PLXNA4: variants seen among roughly 807,000 people sequenced by gnomAD.
PLXNA4 encodes plexin-A4.
A neutral mutation model predicts 191.8 loss-of-function variants in PLXNA4; 44 were observed. The observed-to-expected ratio is 0.23, with a 90% CI of 0.18 to 0.29. PLXNA4 has a LOEUF of 0.29. PLXNA4 is among the 10% of genes least tolerant of loss of function. The pLI, the probability that PLXNA4 is intolerant of heterozygous loss-of-function variation, is 1.00. For synonymous variants in PLXNA4, 1,082 were observed against 1,009.5 expected (o/e 1.07, Z -1.36); for missense variants, 1,800 against 2,488.8 (o/e 0.72, Z 5.89).
At chr7:132,325,671 G>A (rs1477834605) in intron 3 of PLXNA4, among the ~76,000 whole-genome samples, 1 of 152,174 alleles carries the variant, frequency 6.6e-6, no homozygotes, top group African/African-American at 2.4e-5. Context: ...GTTCTACACA[G>A]AGCCTCAAGG....
intron 2 of PLXNA4, among the ~76,000 whole-genome samples, chr7:132,624,318 C>G (rs899884719): frequency 3.3e-5 from 5 of 152,174 alleles, no homozygotes; most frequent in African/African-American, 9.7e-5. Context: ...TAGCAATATG[C>G]AAAGCACATA....
At chr7:132,219,443 C>T (rs1301986553) in intron 9 of PLXNA4, among the ~76,000 whole-genome samples, 1 of 152,234 alleles carries the variant, frequency 6.6e-6, no homozygotes, top group Non-Finnish European at 1.5e-5. Flanking sequence ...CCTCATTTTA[C>T]AGATCTCTAA....
At chr7:132,619,269 T>C (rs927777524) in intron 2 of PLXNA4, among the ~76,000 whole-genome samples, 1 of 152,218 alleles carries the variant, frequency 6.6e-6, no homozygotes, top group African/African-American at 2.4e-5. Context: ...CCAAGAGATA[T>C]TTTAAATTCC....
At chr7:132,137,400 A>C (rs1195897299) in intron 30 of PLXNA4, among the ~76,000 whole-genome samples, 1 of 118,084 alleles carries the variant, frequency 8.5e-6, no homozygotes, top group Non-Finnish European at 1.5e-5. Flanking sequence ...CCAAGTTAAA[A>C]TCAGAGGAAA....
chr7:132,147,006 T>G (rs558032760), intron 27 of PLXNA4, among the ~76,000 whole-genome samples: 1 of 152,352 alleles, frequency 6.6e-6, no homozygotes, highest in Admixed American at 6.5e-5. Context: ...TTTTTAATGC[T>G]TTTCCTTGTA....
chr7:132,592,119 G>T (rs1197236531), intron 2 of PLXNA4, among the ~76,000 whole-genome samples: 1 of 152,144 alleles, frequency 6.6e-6, no homozygotes, highest in African/African-American at 2.4e-5. Context: ...AAAACTCAAG[G>T]TCTGGGCATT....
intron 19 of PLXNA4, 38 bp downstream of exon 19, chr7:132,180,548 T>G (rs1796670021): frequency 6.2e-7 from 1 of 1,612,838 alleles, no homozygotes; most frequent in South Asian, 1.1e-5. Context: ...GCATCCCTAC[T>G]GCCCGCTCCA....
chr7:132,408,241 G>C (rs1404537525), intron 3 of PLXNA4, among the ~76,000 whole-genome samples: 3 of 152,028 alleles, frequency 2.0e-5, no homozygotes, highest in Admixed American at 1.3e-4. Flanking sequence ...GAGTTACAAG[G>C]TTCACTGAAT....
intron 1 of PLXNA4, among the ~76,000 whole-genome samples, chr7:132,535,355 G>A (rs1563157364): frequency 6.6e-6 from 1 of 152,210 alleles, no homozygotes; most frequent in Non-Finnish European, 1.5e-5. Context: ...CTGGCTTGCA[G>A]AGGCAGAGGA....
At chr7:132,413,475 C>T (rs1243581357) in intron 3 of PLXNA4, among the ~76,000 whole-genome samples, 7 of 152,154 alleles carry the variant, frequency 4.6e-5, no homozygotes, top group South Asian at 2.1e-4. Flanking sequence ...ACAGATGTCA[C>T]GATTATTCTG....
At chr7:132,491,005 G>A (rs762719223) in intron 2 of PLXNA4, among the ~76,000 whole-genome samples, 9 of 152,138 alleles carry the variant, frequency 5.9e-5, no homozygotes, top group Non-Finnish European at 7.4e-5. Context: ...AAAAGCCCTC[G>A]GCACTCCCCA....
chr7:132,385,364 C>T, intron 3 of PLXNA4: 1 of 1,511,854 alleles, frequency 6.6e-7, no homozygotes, highest in Admixed American at 2.4e-5. Context: ...CCTCCTTATT[C>T]CCCTCCTCCT....
intron 4 of PLXNA4, among the ~76,000 whole-genome samples, chr7:132,266,890 T>C (rs538134920): frequency 4.4e-4 from 67 of 152,352 alleles, no homozygotes; most frequent in African/African-American, 1.6e-3. Context: ...ATTAATCTTG[T>C]GTATGGGCCA....
At chr7:132,135,433 T>C (rs1303964642) in intron 30 of PLXNA4, among the ~76,000 whole-genome samples, 4 of 152,214 alleles carry the variant, frequency 2.6e-5, no homozygotes, top group Non-Finnish European at 5.9e-5. Context: ...CCTTTCACAG[T>C]AGGCAGGTGG....
chr7:132,544,802 T>C (rs535271041), intron 1 of PLXNA4, among the ~76,000 whole-genome samples: 94 of 152,294 alleles, frequency 6.2e-4, no homozygotes, highest in Non-Finnish European at 9.8e-4. Flanking sequence ...TAGGTACCTG[T>C]AAAAAATAAA....
At chr7:132,452,899 G>C (rs1191201368) in intron 3 of PLXNA4, among the ~76,000 whole-genome samples, 1 of 152,220 alleles carries the variant, frequency 6.6e-6, no homozygotes, top group East Asian at 1.9e-4. Context: ...TAGGGAATTG[G>C]AACCAGGGAA....
At position 132,140,252 on chromosome 7, in the gene PLXNA4, T is replaced by A. The variant is rs569960225; in HGVS notation, c.5438+347A>T. Among the ~76,000 whole-genome samples the A allele has an allele frequency of 6.6e-5, 10 of 152,322 alleles. No individual in the cohort carries two copies. The South Asian group carries it at 2.1e-3, about 32-fold the overall frequency. The stretch of plus-strand genomic sequence containing the variant: ...GATGTAGTTTGGCCCCTTGAAGTGT[T>A]ATGATGACAGTTTTTATTTATTTTT... On this transcript the variant is annotated intron_variant, in intron 30 of 31. Transcript: ENST00000321063.
chr7:132,227,175 C>T (rs1798354227), intron 7 of PLXNA4, among the ~76,000 whole-genome samples: 1 of 152,212 alleles, frequency 6.6e-6, no homozygotes, highest in Non-Finnish European at 1.5e-5. Flanking sequence ...CTGGCCTGCC[C>T]CTCCCCACCC....
At chr7:132,641,681 C>T (rs1248108408) in intron 2 of PLXNA4, among the ~76,000 whole-genome samples, 1 of 152,036 alleles carries the variant, frequency 6.6e-6, no homozygotes, top group Non-Finnish European at 1.5e-5. Context: ...AAATTGATAC[C>T]CTGCTATTCC....
Sources: allele counts gnomAD v4.1 joint callset (sites outside exome capture counted in the v4.1 genomes callset), GRCh38; gene constraint gnomAD v4.1.1; transcripts MANE v1.5; gene names NCBI Gene and HGNC (gene_info 2026-07-23, HGNC 2026-07-21).